LEKR1: variants seen among roughly 807,000 people sequenced by gnomAD.
LEKR1 encodes the protein protein LEKR1.
A neutral mutation model predicts 72.4 loss-of-function variants in LEKR1; 59 were observed. The ratio of observed to expected loss-of-function variants is 0.82; its 90% confidence interval spans 0.66 to 1.01. The LOEUF (loss-of-function observed/expected upper bound fraction) is 1.01, where lower values mean the gene tolerates loss of function less well. Among genes scored for constraint, LEKR1 ranks in the 50% least tolerant of loss-of-function variants. The pLI is 0.00. For synonymous variants in LEKR1, 257 were observed against 263.2 expected, an observed-to-expected ratio of 0.98 and a Z score of 0.23; for missense variants, 728 against 759.2, an observed-to-expected ratio of 0.96 and a Z score of 0.48.
At chr3:156,912,538 C>A (rs62275795) in intron 3 of LEKR1, among the ~76,000 whole-genome samples, 4,830 of 152,250 alleles carry the variant, frequency 0.032, 116 homozygotes, top group Non-Finnish European at 0.047. Context: ...CCAGGCCCTG[C>A]CTATCTGCTG....
At chr3:156,896,716 C>T (rs769969576) in intron 3 of LEKR1, among the ~76,000 whole-genome samples, 16 of 152,154 alleles carry the variant, frequency 1.1e-4, no homozygotes, top group African/African-American at 3.1e-4. Context: ...GAATATAAAT[C>T]GTTCTACCAT....
chr3:156,906,589 T>A (rs1722557547), intron 3 of LEKR1, among the ~76,000 whole-genome samples: 1 of 152,206 alleles, frequency 6.6e-6, no homozygotes, highest in East Asian at 1.9e-4. Flanking sequence ...CATACTGTAT[T>A]GTAGTATTTC....
chr3:156,987,856 T>A (rs1261957223), intron 7 of LEKR1, among the ~76,000 whole-genome samples: 1 of 152,172 alleles, frequency 6.6e-6, no homozygotes. Flanking sequence ...CATCACACAA[T>A]TTAAAGCTGT....
intron 7 of LEKR1, among the ~76,000 whole-genome samples, chr3:156,984,834 T>C (rs1271923258): frequency 1.3e-5 from 2 of 152,066 alleles, no homozygotes; most frequent in African/African-American, 4.8e-5. Flanking sequence ...TGAACAATAG[T>C]AAACTTTTGA....
rs1487479521 is a variant in LEKR1 at position 157,046,075 on chromosome 3, C to A, written c.*325C>A. 1.3e-5 allele frequency: 3 copies of A among 231,806 alleles called. No homozygotes were observed. Among genetic ancestry groups the A allele is most frequent in the Non-Finnish European group, 2.5e-5 (3 of 119,198 alleles). The allele number at this position is 231,806 out of a possible 1,614,324, so 14.4% of individuals were successfully genotyped here. ...TTCACCCATAACATCTTTTCAATTTCTTGCGCCACTACAAGCAGATATATT... is the reference window on the plus strand; with the variant it reads ...TTCACCCATAACATCTTTTCAATTTATTGCGCCACTACAAGCAGATATATT... On this transcript the variant is annotated 3_prime_UTR_variant, in exon 13 of 13. Transcript: ENST00000356539.
chr3:156,885,094 T>G (rs1719912703), intron 3 of LEKR1, among the ~76,000 whole-genome samples: 1 of 152,208 alleles, frequency 6.6e-6, no homozygotes, highest in South Asian at 2.1e-4. Context: ...CAGGGCATTT[T>G]GTATTTCCCT....
chr3:156,830,097 G>A (rs1208648694), intron 2 of LEKR1, among the ~76,000 whole-genome samples: 1 of 152,088 alleles, frequency 6.6e-6, no homozygotes, highest in African/African-American at 2.4e-5. Context: ...AAAACATAAC[G>A]AAGAAGTATT....
At chr3:156,833,492 T>C (rs573328433) in intron 2 of LEKR1, among the ~76,000 whole-genome samples, 4 of 152,338 alleles carry the variant, frequency 2.6e-5, no homozygotes, top group African/African-American at 9.6e-5. Context: ...TTATTACTGA[T>C]AACATACACT....
At chr3:156,937,146 C>G (rs549590342) in intron 5 of LEKR1, among the ~76,000 whole-genome samples, 5 of 151,188 alleles carry the variant, frequency 3.3e-5, no homozygotes, top group South Asian at 2.1e-4. Flanking sequence ...TTGCAAAACC[C>G]TGTCCTAAAA....
chr3:156,977,381 A>G (rs1292516123), intron 6 of LEKR1, among the ~76,000 whole-genome samples: 1 of 152,196 alleles, frequency 6.6e-6, no homozygotes, highest in Non-Finnish European at 1.5e-5. Context: ...AGGAAAAAAA[A>G]TTGAACCTGT....
intron 3 of LEKR1, chr3:156,888,413 T>G: frequency 1.4e-6 from 1 of 694,032 alleles, no homozygotes; most frequent in Non-Finnish European, 2.6e-6. Context: ...TGATTTGTTT[T>G]CCTTAGCTTT....
chr3:156,984,630 T>C (rs1730515670), intron 7 of LEKR1, among the ~76,000 whole-genome samples: 2 of 152,056 alleles, frequency 1.3e-5, no homozygotes, highest in South Asian at 2.1e-4. Context: ...TGAGCCAAGA[T>C]TGCGACACTG....
chr3:156,884,166 A>G (rs1042898420), intron 3 of LEKR1, among the ~76,000 whole-genome samples: 1 of 152,086 alleles, frequency 6.6e-6, no homozygotes, highest in Non-Finnish European at 1.5e-5. Flanking sequence ...GTCAGTGCTC[A>G]TGTTTTATGT....
chr3:156,923,528 G>A (rs1005500460), intron 4 of LEKR1, among the ~76,000 whole-genome samples: 1 of 152,146 alleles, frequency 6.6e-6, no homozygotes, highest in Non-Finnish European at 1.5e-5. Flanking sequence ...TTGCTGAACA[G>A]TATTCCACTG....
chr3:156,849,202 G>A (rs978223995), intron 2 of LEKR1, among the ~76,000 whole-genome samples: 10 of 152,158 alleles, frequency 6.6e-5, no homozygotes, highest in African/African-American at 2.4e-4. Context: ...ACTTACAAGG[G>A]ATGTGAAGGA....
intron 3 of LEKR1, among the ~76,000 whole-genome samples, chr3:156,879,602 T>C (rs1337677110): frequency 2.0e-5 from 3 of 152,214 alleles, no homozygotes; most frequent in Admixed American, 6.5e-5. Flanking sequence ...CAAATGTTAA[T>C]CACCAAGACA....
At chr3:156,899,883 A>C (rs933646371) in intron 3 of LEKR1, among the ~76,000 whole-genome samples, 8 of 151,680 alleles carry the variant, frequency 5.3e-5, no homozygotes, top group African/African-American at 1.9e-4. Flanking sequence ...TAGGTGTGCA[A>C]ATAAAAATAG....
At chr3:157,035,258 G>A (rs1734880012) in intron 12 of LEKR1, among the ~76,000 whole-genome samples, 1 of 152,044 alleles carries the variant, frequency 6.6e-6, no homozygotes, top group African/African-American at 2.4e-5. Flanking sequence ...CAATATCTCT[G>A]TATGCCTATG....
intron 10 of LEKR1, among the ~76,000 whole-genome samples, chr3:157,022,119 G>A (rs1011368350): frequency 3.9e-5 from 6 of 152,128 alleles, no homozygotes; most frequent in Admixed American, 3.3e-4. Flanking sequence ...GCAGCAAAGC[G>A]AGATGGAATC....
Sources: allele counts gnomAD v4.1 joint callset (sites outside exome capture counted in the v4.1 genomes callset), GRCh38; gene constraint gnomAD v4.1.1; transcripts MANE v1.5; gene names NCBI Gene and HGNC (gene_info 2026-07-23, HGNC 2026-07-21).